The following SPON1 variants were observed in gnomAD, a reference collection of about 807,000 sequenced individuals.
SPON1 encodes spondin 1.
A neutral mutation model predicts 111.7 loss-of-function variants in SPON1; 52 were observed. That is an observed-to-expected ratio of 0.47 (90% CI 0.37 to 0.59). SPON1 has a LOEUF of 0.59. Among genes scored for constraint, SPON1 ranks in the 20% least tolerant of loss-of-function variants. The probability of loss-of-function intolerance (pLI) is 0.00; values close to 1 mark genes in which losing one functional copy is unlikely to be tolerated. For missense variants in SPON1, 957 were observed against 1,068.5 expected (o/e 0.90, Z 1.46); for synonymous variants, 410 against 395.8 (o/e 1.04, Z -0.43).
At chr11:14,241,872 T>C (rs976378044) in intron 6 of SPON1, among the ~76,000 whole-genome samples, 2 of 152,174 alleles carry the variant, frequency 1.3e-5, no homozygotes, top group Non-Finnish European at 2.9e-5. Context: ...GACATGTGAA[T>C]GTTGGGGTGT....
chr11:14,004,482 C>A (rs969177058), intron 2 of SPON1, among the ~76,000 whole-genome samples: 1 of 152,190 alleles, frequency 6.6e-6, no homozygotes, highest in Non-Finnish European at 1.5e-5. Context: ...TCTCCAGACC[C>A]TTACCAACAT....
intron 6 of SPON1, among the ~76,000 whole-genome samples, chr11:14,242,092 C>T (rs1848934269): frequency 6.6e-6 from 1 of 152,238 alleles, no homozygotes; most frequent in African/African-American, 2.4e-5. Flanking sequence ...CCCAGCAGCC[C>T]CTTCCTGCAT....
intron 3 of SPON1, among the ~76,000 whole-genome samples, chr11:14,053,981 G>C (rs1243232509): frequency 3.3e-5 from 5 of 152,118 alleles, no homozygotes; most frequent in African/African-American, 4.8e-5. Context: ...CTCTACCACT[G>C]TTCATTCTCA....
intron 2 of SPON1, among the ~76,000 whole-genome samples, chr11:14,020,802 G>A (rs1175419548): frequency 6.6e-6 from 1 of 152,170 alleles, no homozygotes; most frequent in Admixed American, 6.5e-5. Context: ...TTCTGGTTCT[G>A]CCATTTACCA....
intron 2 of SPON1, among the ~76,000 whole-genome samples, chr11:14,007,089 G>A (rs574036395): frequency 1.3e-5 from 2 of 152,168 alleles, no homozygotes; most frequent in African/African-American, 4.8e-5. Context: ...TAGGGGGAAT[G>A]GTTTCAGGAT....
At position 14,265,773 on chromosome 11, in the gene SPON1, T is replaced by C. The variant is rs1212541624; in HGVS notation, c.*86T>C. The C allele has an allele frequency of 1.1e-5, 16 of 1,441,738 alleles. No individual in the cohort carries two copies. The Admixed American group carries it at 2.4e-4, about 22-fold the overall frequency. The allele number at this position is 1,441,738 out of a possible 1,614,324, so 89.3% of individuals were successfully genotyped here. ...TTTGCTTGTTTAAGACAATTTAAAT[T>C]GTGTACGCTAGTTTTCATTTTTGCA... On this transcript the variant is annotated 3_prime_UTR_variant, in exon 16 of 16. Transcript: ENST00000576479.
intron 5 of SPON1, among the ~76,000 whole-genome samples, chr11:14,122,271 T>C (rs1847399506): frequency 6.6e-6 from 1 of 152,188 alleles, no homozygotes. Context: ...CCTCCCAGGT[T>C]CATACCATTC....
chr11:13,969,428 A>T (rs1554908373), intron 1 of SPON1, among the ~76,000 whole-genome samples: 1 of 152,072 alleles, frequency 6.6e-6, no homozygotes, highest in African/African-American at 2.4e-5. Context: ...TGGGGTGTGT[A>T]TGTGCAAGCT....
intron 15 of SPON1, among the ~76,000 whole-genome samples, chr11:14,264,816 G>C (rs1849244399): frequency 6.6e-6 from 1 of 152,144 alleles, no homozygotes; most frequent in Non-Finnish European, 1.5e-5. Context: ...CTGGGGTCAG[G>C]GAAGTTTTCT....
Position 14,026,376 on chromosome 11 carries a change from C to T in SPON1, c.346-15145C>T, listed in dbSNP as rs1848518033. Among the ~76,000 whole-genome samples, 5 of 152,252 alleles carry T rather than the reference C, an allele frequency of 3.3e-5. No homozygotes were observed. In the South Asian group the frequency reaches 1.0e-3, roughly 32 times the overall value. On this transcript the variant is annotated intron_variant, in intron 2 of 15. Transcript: ENST00000576479. ...ATAATTAGATCAAAGTTTGGTATTT[C>T]CCAAGGGTGTAAGGAAGTTCATGGA...
chr11:14,169,418 G>T (rs1281621675), intron 6 of SPON1, among the ~76,000 whole-genome samples: 4 of 151,632 alleles, frequency 2.6e-5, no homozygotes, highest in Admixed American at 6.6e-5. Context: ...AGATGAGTAG[G>T]TTGCAAAAAT....
intron 5 of SPON1, among the ~76,000 whole-genome samples, chr11:14,124,369 T>G (rs1847431754): frequency 6.6e-6 from 1 of 152,228 alleles, no homozygotes; most frequent in African/African-American, 2.4e-5. Flanking sequence ...ACCTGCCATC[T>G]CCTCCAGGAC....
intron 5 of SPON1, among the ~76,000 whole-genome samples, chr11:14,088,223 T>C (rs1337517942): frequency 2.6e-5 from 4 of 152,188 alleles, no homozygotes; most frequent in African/African-American, 4.8e-5. Flanking sequence ...TTCTTCATAG[T>C]GTCATTGATC....
At chr11:14,161,776 G>C (rs1847968354) in intron 6 of SPON1, among the ~76,000 whole-genome samples, 1 of 152,022 alleles carries the variant, frequency 6.6e-6, no homozygotes, top group Non-Finnish European at 1.5e-5. Context: ...CCACTGAATG[G>C]GTATTGCTTT....
intron 3 of SPON1, 40 bp from the exon 4 acceptor site, chr11:14,075,305 G>T (rs1554921310): frequency 6.6e-7 from 1 of 1,508,704 alleles, no homozygotes; most frequent in Non-Finnish European, 9.0e-7. Flanking sequence ...CTGCCTTCCT[G>T]CCCTCCTCAC....
At chr11:14,016,552 T>C (rs1591351899) in intron 2 of SPON1, among the ~76,000 whole-genome samples, 1 of 152,234 alleles carries the variant, frequency 6.6e-6, no homozygotes, top group South Asian at 2.1e-4. Flanking sequence ...TTTATTGCAA[T>C]TGGGTACTTT....
chr11:14,204,032 A>G (rs1004854383), intron 6 of SPON1, among the ~76,000 whole-genome samples: 1 of 152,224 alleles, frequency 6.6e-6, no homozygotes, highest in Non-Finnish European at 1.5e-5. Flanking sequence ...CCAAGGGCCT[A>G]TCTTCGGTGT....
At chr11:14,255,549 T>C in intron 8 of SPON1, 98 bp from the exon 9 acceptor site, 1 of 1,093,312 alleles carries the variant, frequency 9.1e-7, no homozygotes, top group South Asian at 1.5e-5. Context: ...CTTGTTAAAT[T>C]CCTATCAAGG....
chr11:14,009,817 A>G (rs1442524400), intron 2 of SPON1, among the ~76,000 whole-genome samples: 3 of 152,116 alleles, frequency 2.0e-5, no homozygotes, highest in Admixed American at 2.0e-4. Flanking sequence ...AAGAGAGCTC[A>G]CTCAGGTCTC....
Sources: allele counts gnomAD v4.1 joint callset (sites outside exome capture counted in the v4.1 genomes callset), GRCh38; gene constraint gnomAD v4.1.1; transcripts MANE v1.5; gene names NCBI Gene and HGNC (gene_info 2026-07-23, HGNC 2026-07-21).